SCFD2: variants seen among roughly 807,000 people sequenced by gnomAD.
The protein encoded by SCFD2 is sec1 family domain-containing protein 2.
Under a neutral mutation model 58.9 loss-of-function variants are expected in SCFD2, and 54 were observed. The ratio of observed to expected loss-of-function variants is 0.92; its 90% CI spans 0.74 to 1.15. SCFD2 has a LOEUF of 1.15. Ranked by LOEUF, SCFD2 falls within the 50% of genes most tolerant of loss-of-function variation. The probability of loss-of-function intolerance (pLI) is 0.00; values close to 1 mark genes in which losing one functional copy is unlikely to be tolerated. For synonymous variants in SCFD2, 321 were observed against 335.9 expected (o/e 0.96, Z 0.49); for missense variants, 805 against 836.6 (o/e 0.96, Z 0.47).
intron 5 of SCFD2, among the ~76,000 whole-genome samples, chr4:52,980,296 C>T (rs1423385247): frequency 6.6e-6 from 1 of 152,154 alleles, no homozygotes; most frequent in Non-Finnish European, 1.5e-5. Context: ...GAGGCAGGCA[C>T]TATGATTATT....
intron 5 of SCFD2, among the ~76,000 whole-genome samples, chr4:53,120,462 C>T (rs1421696978): frequency 6.6e-6 from 1 of 152,094 alleles, no homozygotes; most frequent in African/African-American, 2.4e-5. Flanking sequence ...AGATTCAAAC[C>T]CTGTCAATCT....
chr4:53,066,741 G>A (rs1723673936), intron 5 of SCFD2, among the ~76,000 whole-genome samples: 1 of 152,024 alleles, frequency 6.6e-6, no homozygotes, highest in South Asian at 2.1e-4. Flanking sequence ...TCATCCTTCA[G>A]ATGTCAGCTG....
In SCFD2 at chr4:53,332,875, A is replaced by C. The variant is rs549731922; in HGVS notation, c.1008-19112T>G. On this transcript the variant is annotated intron_variant, in intron 2 of 8. Transcript: ENST00000401642. ...CATTGTCTCAGCCCAAAATCTCCTT[A>C]AGCTGATAAGCAACTTCAGCAAAGT... Among the ~76,000 whole-genome samples the C allele has an allele frequency of 1.3e-4, 19 of 151,234 alleles. No homozygotes were observed. In the East Asian group the frequency reaches 1.6e-3, roughly 12 times the overall value.
At chr4:52,875,535 A>G (rs1303644947) in intron 8 of SCFD2, among the ~76,000 whole-genome samples, 1 of 151,722 alleles carries the variant, frequency 6.6e-6, no homozygotes. Context: ...GGGCCCACAC[A>G]CTTTACTATC....
At chr4:53,054,662 T>C (rs1723274979) in intron 5 of SCFD2, among the ~76,000 whole-genome samples, 1 of 152,016 alleles carries the variant, frequency 6.6e-6, no homozygotes, top group Non-Finnish European at 1.5e-5. Flanking sequence ...TTTGTTTGTT[T>C]TTGTTTTTGA....
intron 5 of SCFD2, among the ~76,000 whole-genome samples, chr4:53,116,154 G>T (rs1725312213): frequency 6.6e-6 from 1 of 152,078 alleles, no homozygotes; most frequent in African/African-American, 2.4e-5. Flanking sequence ...AATTCCTTTT[G>T]TTTTCATTTG....
At chr4:52,928,827 C>G (rs1479955726) in intron 5 of SCFD2, among the ~76,000 whole-genome samples, 1 of 152,124 alleles carries the variant, frequency 6.6e-6, no homozygotes, top group Non-Finnish European at 1.5e-5. Flanking sequence ...GCTTAGCTCA[C>G]AGAAGACACT....
intron 5 of SCFD2, among the ~76,000 whole-genome samples, chr4:52,973,787 A>G (rs1036744393): frequency 2.0e-5 from 3 of 152,186 alleles, no homozygotes; most frequent in Admixed American, 1.3e-4. Flanking sequence ...CTGGCAAACC[A>G]AATCCAGCAG....
intron 1 of SCFD2, among the ~76,000 whole-genome samples, chr4:53,361,172 T>G (rs1282287397): frequency 6.6e-6 from 1 of 152,194 alleles, no homozygotes; most frequent in East Asian, 1.9e-4. Context: ...AATACAAAAC[T>G]AACTCTCTCT....
At chr4:52,997,955 T>C (rs1577649404) in intron 5 of SCFD2, among the ~76,000 whole-genome samples, 1 of 152,238 alleles carries the variant, frequency 6.6e-6, no homozygotes, top group South Asian at 2.1e-4. Context: ...ATTATTTTCC[T>C]TATATTCTTC....
At chr4:53,065,203 C>T (rs113052104) in intron 5 of SCFD2, among the ~76,000 whole-genome samples, 14 of 152,108 alleles carry the variant, frequency 9.2e-5, no homozygotes, top group South Asian at 4.2e-4. Flanking sequence ...TAACTAGCAG[C>T]GGTCATAGAT....
At chr4:52,995,837 C>T (rs1172997995) in intron 5 of SCFD2, among the ~76,000 whole-genome samples, 1 of 152,192 alleles carries the variant, frequency 6.6e-6, no homozygotes, top group Non-Finnish European at 1.5e-5. Flanking sequence ...TTATGTCCCA[C>T]ATATGAGGTC....
intron 5 of SCFD2, among the ~76,000 whole-genome samples, chr4:53,073,181 T>C (rs1723872660): frequency 6.6e-6 from 1 of 152,036 alleles, no homozygotes; most frequent in Non-Finnish European, 1.5e-5. Context: ...AATACCTAAT[T>C]ATATTAGGTA....
At chr4:52,875,575 G>T (rs1718450076) in intron 8 of SCFD2, among the ~76,000 whole-genome samples, 1 of 151,544 alleles carries the variant, frequency 6.6e-6, no homozygotes, top group South Asian at 2.1e-4. Flanking sequence ...ATTGTCCCAG[G>T]TATAATTAAA....
chr4:52,988,610 T>C (rs1721551236), intron 5 of SCFD2, among the ~76,000 whole-genome samples: 1 of 152,170 alleles, frequency 6.6e-6, no homozygotes, highest in African/African-American at 2.4e-5. Flanking sequence ...CCTTAATTCG[T>C]TACCTCAACC....
At chr4:53,266,280 T>C (rs2149060238) in intron 4 of SCFD2, among the ~76,000 whole-genome samples, 1 of 152,312 alleles carries the variant, frequency 6.6e-6, no homozygotes, top group African/African-American at 2.4e-5. Context: ...TGTAATATTT[T>C]TGACCCAGCT....
In SCFD2 at chr4:53,029,251, T is replaced by A. The variant is rs1334461389; in HGVS notation, c.1562-108381A>T. 6.6e-5 allele frequency among the ~76,000 whole-genome samples: 10 copies of A among 152,004 alleles called. No homozygotes were observed. The East Asian group carries it at 1.9e-3, about 29-fold the overall frequency. ...TGGAAAAATCTTACGAAAAAAAAAA[T>A]TTAAACAAAGGTGTGCAAAAATTGC... On this transcript the variant is annotated intron_variant, in intron 5 of 8. Coordinates refer to ENST00000401642, the MANE Select transcript of SCFD2 (RefSeq NM_152540.4).
chr4:53,062,565 T>G (rs1370842097), intron 5 of SCFD2, among the ~76,000 whole-genome samples: 1 of 152,154 alleles, frequency 6.6e-6, no homozygotes, highest in South Asian at 2.1e-4. Flanking sequence ...CATTTTTTTG[T>G]TTAAGTATCA....
intron 4 of SCFD2, among the ~76,000 whole-genome samples, chr4:53,217,679 G>C (rs1728896631): frequency 6.6e-6 from 1 of 152,192 alleles, no homozygotes; most frequent in Non-Finnish European, 1.5e-5. Flanking sequence ...ATTTGATCCT[G>C]TCAGTATGAT....
Sources: allele counts gnomAD v4.1 joint callset (sites outside exome capture counted in the v4.1 genomes callset), GRCh38; gene constraint gnomAD v4.1.1; transcripts MANE v1.5; gene names NCBI Gene and HGNC (gene_info 2026-07-23, HGNC 2026-07-21).